The following RAP1GAP2 variants were observed in gnomAD, a reference collection of about 807,000 sequenced individuals.
RAP1GAP2 encodes the protein rap1 GTPase-activating protein 2.
A neutral mutation model predicts 95.0 loss-of-function variants in RAP1GAP2; 27 were observed. The observed-to-expected ratio is 0.28, with a 90% CI of 0.21 to 0.39. RAP1GAP2 has a LOEUF of 0.39. Among genes scored for constraint, RAP1GAP2 ranks in the 10% least tolerant of loss-of-function variants. The pLI is 1.00. For synonymous variants in RAP1GAP2, 373 were observed against 380.9 expected (o/e 0.98, Z 0.24); for missense variants, 771 against 970.0 (o/e 0.79, Z 2.72).
At chr17:2,910,620 G>A (rs970050634) in intron 3 of RAP1GAP2, among the ~76,000 whole-genome samples, 1 of 152,178 alleles carries the variant, frequency 6.6e-6, no homozygotes, top group African/African-American at 2.4e-5. Flanking sequence ...TTAGGGATGG[G>A]CGATCCATTT....
chr17:2,890,201 T>C lies in RAP1GAP2; in HGVS notation c.81-15083T>C, dbSNP rs1437687537. Among the ~76,000 whole-genome samples, 7 of 152,200 alleles carry C rather than the reference T, an allele frequency of 4.6e-5. No individual in the cohort carries two copies. In the East Asian group the frequency reaches 1.2e-3, roughly 25 times the overall value. ...AAGCAAGAAAGGGGAGGAACGAGGA[T>C]GGGCCAGGTGCCCTGTCTCAGTGCT... On this transcript the variant is annotated intron_variant, in intron 2 of 24. Coordinates refer to ENST00000254695, the MANE Select transcript of RAP1GAP2 (RefSeq NM_015085.5).
intron 2 of RAP1GAP2, among the ~76,000 whole-genome samples, chr17:2,812,831 A>C (rs2069830403): frequency 6.6e-6 from 1 of 151,806 alleles, no homozygotes; most frequent in African/African-American, 2.4e-5. Flanking sequence ...CTCTACTAAA[A>C]ATACAAAAAC....
At chr17:2,805,847 G>A (rs2069494368) in intron 2 of RAP1GAP2, among the ~76,000 whole-genome samples, 1 of 152,188 alleles carries the variant, frequency 6.6e-6, no homozygotes, top group African/African-American at 2.4e-5. Context: ...GCGGTGGCCT[G>A]GAGTGAGCAC....
At chr17:2,800,494 C>A in intron 1 of RAP1GAP2, 21 bp from the exon 2 acceptor site, 2 of 1,610,820 alleles carry the variant, frequency 1.2e-6, no homozygotes, top group Non-Finnish European at 8.5e-7. Context: ...CTGACCGGAG[C>A]CCTTGCTTTT....
In RAP1GAP2 at chr17:2,885,703, C is replaced by T. The variant is rs561047552; in HGVS notation, c.81-19581C>T. Among the ~76,000 whole-genome samples, 5 of 152,328 alleles carry T rather than the reference C, an allele frequency of 3.3e-5. No homozygotes were observed. In the South Asian group the frequency reaches 6.2e-4, roughly 19 times the overall value. Reference sequence around the variant, plus strand: ...CTGGCTGGCCTAGGAATGGCCTCTTCCTGTCACCATTTGGTTGAGCCAACT... The same window carrying T: ...CTGGCTGGCCTAGGAATGGCCTCTTTCTGTCACCATTTGGTTGAGCCAACT... On this transcript the variant is annotated intron_variant, in intron 2 of 24. Transcript: ENST00000254695.
At position 2,969,496 on chromosome 17, in the gene RAP1GAP2, CTTTTTTT is replaced by C. The variant is rs34468461; in HGVS notation, c.596+3870_596+3876del. Among the ~76,000 whole-genome samples, 104 of 83,784 alleles carry C rather than the reference CTTTTTTT, an allele frequency of 1.2e-3. 1 individual carries two copies. Among genetic ancestry groups the C allele is most frequent in the African/African-American group, 4.3e-3 (94 of 21,970 alleles). 55.0% of individuals were successfully genotyped at this position (83,784 alleles called of 152,430 possible). ...GTAAAGATGTGTAAATATATATATT[CTTTTTTT>C]TTTTTTTTTTTTTTTTGAGATGGAG... On this transcript the variant is annotated intron_variant, in intron 8 of 24. Transcript: ENST00000254695.
rs530207003 is a variant in RAP1GAP2, at chr17:3,033,569, A to C, written c.*208A>C. 6.5e-6 allele frequency: 1 copy of C among 152,796 alleles called. No individual in the cohort carries two copies. The highest frequency in any genetic ancestry group is 6.6e-5 in the Admixed American group (1 of 15,246). The allele number at this position is 152,796 out of a possible 1,614,324, so 9.5% of individuals were successfully genotyped here. On this transcript the variant is annotated 3_prime_UTR_variant, in exon 25 of 25. Coordinates refer to ENST00000254695, the MANE Select transcript of RAP1GAP2 (RefSeq NM_015085.5). The surrounding 1 kb of genome is among the most constrained non-coding windows in gnomAD (Gnocchi z 4.9). Reference sequence around the variant, plus strand: ...TCCGCCCTCACCTACATGCCCTCCCAGCCCCTCCCATCTCTGGACGAGGCC... The same window carrying C: ...TCCGCCCTCACCTACATGCCCTCCCCGCCCCTCCCATCTCTGGACGAGGCC...
chr17:2,778,498 A>C (rs1288254347), intron 1 of RAP1GAP2, among the ~76,000 whole-genome samples: 1 of 152,082 alleles, frequency 6.6e-6, no homozygotes, highest in African/African-American at 2.4e-5. Context: ...CTGCTGCTGG[A>C]GGCACGCTTG....
At chr17:2,849,827 C>T (rs916223066) in intron 2 of RAP1GAP2, among the ~76,000 whole-genome samples, 26 of 152,192 alleles carry the variant, frequency 1.7e-4, no homozygotes, top group Admixed American at 7.9e-4. Context: ...TCATTTCCTG[C>T]GGTCTGCATG....
intron 3 of RAP1GAP2, among the ~76,000 whole-genome samples, chr17:2,947,728 A>G (rs988925799): frequency 6.6e-6 from 1 of 151,382 alleles, no homozygotes; most frequent in African/African-American, 2.4e-5. Flanking sequence ...GGAGTCGGGC[A>G]GTGTGGCGTG....
intron 3 of RAP1GAP2, among the ~76,000 whole-genome samples, chr17:2,921,970 A>G (rs2042796087): frequency 6.6e-6 from 1 of 152,206 alleles, no homozygotes; most frequent in Non-Finnish European, 1.5e-5. Context: ...CCACCTGGGT[A>G]ATCGGGATGA....
rs1425122752 is a variant in RAP1GAP2 at position 3,027,063 on chromosome 17, T to C, written c.2100T>C (p.Ser700=). The C allele has an allele frequency of 2.5e-6, 4 of 1,578,664 alleles. No homozygotes were observed. In the Admixed American group the frequency reaches 5.4e-5, roughly 22 times the overall value. The change falls in exon 22 of 25, where the codon AGT becomes AGC. Residue 700 remains serine, a synonymous_variant. Coordinates refer to ENST00000254695, the MANE Select transcript of RAP1GAP2 (RefSeq NM_015085.5). This position sits in a 1 kb window ranked among gnomAD's most constrained non-coding sequence, Gnocchi z 5.2. Reference sequence around the variant, plus strand: ...CCACCCCGATCATCATGAGCCGGAGTCCCACAGGTCAGTGGCATCTGGTGG... The same window carrying C: ...CCACCCCGATCATCATGAGCCGGAGCCCCACAGGTCAGTGGCATCTGGTGG... ...AAATPIIMSR[S]PTDAKSRNSP...
chr17:2,770,179 C>G lies in RAP1GAP2; in HGVS notation c.51-150C>G, dbSNP rs140671472. 2.7e-4 allele frequency: 105 copies of G among 394,520 alleles called. 1 individual carries two copies. The highest frequency in any genetic ancestry group is 1.9e-3 in the African/African-American group (94 of 48,572). The allele number at this position is 394,520 out of a possible 1,614,324, so 24.4% of individuals were successfully genotyped here. On this transcript the variant is annotated intron_variant, in intron 1 of 25. Coordinates refer to the RAP1GAP2 transcript ENST00000637138. ...CCTCTTCAGGGAATCTTAATGATGG[C>G]CCTCTGGAAACAGGGCTTTCTGGCA...
intron 8 of RAP1GAP2, among the ~76,000 whole-genome samples, chr17:2,971,653 T>C (rs1249226515): frequency 6.6e-6 from 1 of 152,196 alleles, no homozygotes; most frequent in African/African-American, 2.4e-5. Flanking sequence ...AACTTCTCTG[T>C]GTCTCATTTT....
intron 1 of RAP1GAP2, 45 bp from the exon 2 acceptor site, chr17:2,800,470 C>T (rs11869022): frequency 6.3e-7 from 1 of 1,597,770 alleles, no homozygotes; most frequent in Non-Finnish European, 8.5e-7. Flanking sequence ...ATGTAGGAGT[C>T]TTCAGCCTCA....
chr17:3,030,342 A>G lies in RAP1GAP2; in HGVS notation c.2108-580A>G, dbSNP rs73300937. Among the ~76,000 whole-genome samples, 2,807 of 152,210 alleles carry G rather than the reference A, an allele frequency of 0.018. 150 individuals carry two copies. In the East Asian group the frequency reaches 0.22, roughly 12 times the overall value. The stretch of plus-strand genomic sequence containing the variant: ...TCAGTTTTCTTTTGTGCTATTCACA[A>G]TGTAATCGCTGCAGACACAGCATGT... On this transcript the variant is annotated intron_variant, in intron 22 of 24. Transcript: ENST00000254695.
At chr17:2,821,541 AT>A (rs879432850) in intron 2 of RAP1GAP2, among the ~76,000 whole-genome samples, 262 of 145,146 alleles carry the variant, frequency 1.8e-3, no homozygotes, top group Non-Finnish European at 1.8e-3. Flanking sequence ...TGCCTGGCTA[AT>A]TTTTTTTTTT....
rs186659664 is a variant in RAP1GAP2 at position 2,931,474 on chromosome 17, C to G, written c.165+26106C>G. On this transcript the variant is annotated intron_variant, in intron 3 of 24. Coordinates refer to ENST00000254695, the MANE Select transcript of RAP1GAP2 (RefSeq NM_015085.5). ...GACAGCGGGGCCGGGAAGGACAGCC[C>G]ATTGTCCCTACCCTAACCTCGTTAG... Among the ~76,000 whole-genome samples the G allele has an allele frequency of 3.9e-3, 595 of 152,314 alleles. 3 individuals are homozygous for G. Among genetic ancestry groups the G allele is most frequent in the African/African-American group, 0.014 (563 of 41,562 alleles).
At chr17:2,878,978 AGGCC>A (rs1340996673) in intron 2 of RAP1GAP2, among the ~76,000 whole-genome samples, 1 of 152,178 alleles carries the variant, frequency 6.6e-6, no homozygotes, top group Non-Finnish European at 1.5e-5. Context: ...CTGAGCCCGG[AGGCC>A]GGCGCTGGCC....
Sources: gnomAD v4.1 joint callset for allele counts (sites outside exome capture counted in the v4.1 genomes callset) on GRCh38, gnomAD v4.1.1 for gene constraint, Gnocchi (gnomAD v3.1) non-coding constraint, MANE v1.5 for transcripts, NCBI Gene and HGNC (gene_info 2026-07-23, HGNC 2026-07-21) for gene names.